The following TXNDC8 variants were observed in gnomAD, a reference collection of about 807,000 sequenced individuals.
TXNDC8 encodes the protein thioredoxin domain containing 8, also known as thioredoxin domain-containing protein 8.
Under a neutral mutation model 12.9 loss-of-function variants are expected in TXNDC8, and 15 were observed. The observed-to-expected ratio is 1.16, with a 90% CI of 0.78 to 1.79. TXNDC8 has a LOEUF of 1.79. Among genes scored for constraint, TXNDC8 ranks in the 40% most tolerant of loss-of-function variants. The pLI, the probability that TXNDC8 is intolerant of heterozygous loss-of-function variation, is 0.00. For synonymous variants in TXNDC8, 40 were observed against 35.4 expected, an observed-to-expected ratio of 1.13 and a Z score of -0.46; for missense variants, 128 against 113.2, an observed-to-expected ratio of 1.13 and a Z score of -0.59.
intron 3 of TXNDC8, among the ~76,000 whole-genome samples, chr9:110,321,447 T>A (rs1364492737): frequency 6.6e-6 from 1 of 152,240 alleles, no homozygotes; most frequent in Non-Finnish European, 1.5e-5. Flanking sequence ...TAAAAGGGTA[T>A]AATGGACAAG....
intron 1 of TXNDC8, among the ~76,000 whole-genome samples, chr9:110,337,058 C>A (rs893558731): frequency 1.3e-5 from 2 of 152,230 alleles, no homozygotes; most frequent in Non-Finnish European, 2.9e-5. Context: ...CTCTTTCAAT[C>A]TGGTCAGTGT....
intron 2 of TXNDC8, among the ~76,000 whole-genome samples, chr9:110,333,220 A>G (rs1465310151): frequency 6.6e-6 from 1 of 152,176 alleles, no homozygotes; most frequent in Non-Finnish European, 1.5e-5. Flanking sequence ...ACGGGAGGTG[A>G]GCGGTGGGTG....
chr9:110,324,002 C>A lies in TXNDC8; in HGVS notation c.195+2173G>T, dbSNP rs76104654. 2.1e-3 allele frequency: 3,194 copies of A among 1,549,802 alleles called. 55 individuals are homozygous for A. The African/African-American group carries it at 0.037, about 18-fold the overall frequency. On this transcript the variant is annotated intron_variant, in intron 3 of 4. Coordinates refer to ENST00000423740, the MANE Select transcript of TXNDC8 (RefSeq NM_001286946.2). ...TTGGTGTAGGCCTGGAGATGGAGCC[C>A]TAAGGAAGTACATGGGATAAGAATG...
chr9:110,313,309 G>A (rs1208912106), intron 3 of TXNDC8, among the ~76,000 whole-genome samples: 1 of 152,120 alleles, frequency 6.6e-6, no homozygotes, highest in Non-Finnish European at 1.5e-5. Context: ...TTAAAGCCCT[G>A]CAAACTGAAG....
At position 110,326,950 on chromosome 9, in the gene TXNDC8, A is replaced by ACACAC. The variant is rs1839346409; in HGVS notation, c.130-715_130-711dup. ...TGCCCTGCTACTCATGCACACACACACACACACACACACACACACACACAC... is the reference window on the plus strand; with the variant it reads ...TGCCCTGCTACTCATGCACACACACACACACCACACACACACACACACACACACAC... On this transcript the variant is annotated intron_variant, in intron 2 of 4. Coordinates refer to ENST00000423740, the MANE Select transcript of TXNDC8 (RefSeq NM_001286946.2). Among the ~76,000 whole-genome samples the ACACAC allele has an allele frequency of 6.6e-5, 10 of 151,558 alleles. No individual in the cohort carries two copies. In the South Asian group the frequency reaches 2.1e-3, roughly 32 times the overall value.
intron 2 of TXNDC8, among the ~76,000 whole-genome samples, chr9:110,330,476 C>A (rs942572830): frequency 6.6e-6 from 1 of 152,208 alleles, no homozygotes; most frequent in Non-Finnish European, 1.5e-5. Flanking sequence ...TTTTGAGGCT[C>A]ATTTTTTGCC....
chr9:110,329,359 CTT>C (rs1839466350), intron 2 of TXNDC8, 68 bp from the exon 3 acceptor site: 5 of 1,272,502 alleles, frequency 3.9e-6, no homozygotes, highest in Non-Finnish European at 4.4e-6. Context: ...CTGGAAGTGT[CTT>C]TTCAGTAGAA....
chr9:110,304,978 T>A (rs1404819872), intron 3 of TXNDC8, among the ~76,000 whole-genome samples: 4 of 151,708 alleles, frequency 2.6e-5, no homozygotes, highest in African/African-American at 7.3e-5. Context: ...CAAAACCCCA[T>A]CTCTACCAAA....
At chr9:110,337,060 GGTCAGT>G (rs1175947987) in intron 1 of TXNDC8, among the ~76,000 whole-genome samples, 2 of 152,182 alleles carry the variant, frequency 1.3e-5, no homozygotes, top group African/African-American at 2.4e-5. Context: ...CTTTCAATCT[GGTCAGT>G]GTCATTTTTG....
chr9:110,303,613 T>C lies in TXNDC8; in HGVS notation c.*69A>G, dbSNP rs1285680463. ...TCACAAATGCACAAAGGTGAAACAT[T>C]TATTGATTCAAGTGCTGCGAAAATG... is the stretch of plus-strand genomic sequence containing the variant. On this transcript the variant is annotated 3_prime_UTR_variant, in exon 5 of 5. Transcript: ENST00000423740. 1 of 1,570,080 alleles carries C rather than the reference T, an allele frequency of 6.4e-7. No individual in the cohort carries two copies. The highest frequency in any genetic ancestry group is 8.7e-7 in the Non-Finnish European group (1 of 1,154,096).
At position 110,323,287 on chromosome 9, in the gene TXNDC8, C is replaced by T. The variant is rs188018589; in HGVS notation, c.195+2888G>A. On this transcript the variant is annotated intron_variant, in intron 3 of 4. Transcript: ENST00000423740. ...GAACCAAAAAGATAGATATCCAAAACGGATATATTTGACTATAACAGGAGA... is the reference window on the plus strand; with the variant it reads ...GAACCAAAAAGATAGATATCCAAAATGGATATATTTGACTATAACAGGAGA... The T allele has an allele frequency of 1.3e-4, 133 of 985,214 alleles. 2 individuals are homozygous for T. The East Asian group carries it at 2.8e-3, about 21-fold the overall frequency. 61.0% of individuals were successfully genotyped at this position (985,214 alleles called of 1,614,324 possible).
intron 3 of TXNDC8, chr9:110,322,593 A>T (rs1308159211): frequency 1.0e-6 from 1 of 985,324 alleles, no homozygotes; most frequent in Non-Finnish European, 1.2e-6. Flanking sequence ...AAGAGCATAG[A>T]CACAAAATCA....
downstream of TXNDC8, among the ~76,000 whole-genome samples, chr9:110,302,469 C>A (rs777918009): frequency 2.6e-5 from 4 of 152,166 alleles, no homozygotes; most frequent in Non-Finnish European, 4.4e-5. Flanking sequence ...CATATGGAGC[C>A]TATGCTTTGT....
chr9:110,336,580 A>G (rs1200111015), intron 1 of TXNDC8, among the ~76,000 whole-genome samples: 2 of 152,202 alleles, frequency 1.3e-5, no homozygotes, highest in Non-Finnish European at 2.9e-5. Context: ...ATGCGTATTG[A>G]GGCCTATACT....
chr9:110,307,821 G>A (rs1419717344), intron 3 of TXNDC8, among the ~76,000 whole-genome samples: 3 of 152,184 alleles, frequency 2.0e-5, no homozygotes, highest in Admixed American at 6.5e-5. Flanking sequence ...GACCAAACCA[G>A]TGTTCATCAT....
intron 1 of TXNDC8, among the ~76,000 whole-genome samples, chr9:110,335,203 A>C (rs1387079361): frequency 6.6e-6 from 1 of 152,210 alleles, no homozygotes; most frequent in Non-Finnish European, 1.5e-5. Context: ...TCATAGAGTA[A>C]GTGCTCATAG....
In TXNDC8 at chr9:110,327,476, T is replaced by C. The variant is rs191105938; in HGVS notation, c.130-1236A>G. On this transcript the variant is annotated intron_variant, in intron 2 of 4. Transcript: ENST00000423740. ...TAGCTGGGATTACAGGTGTGCATCA[T>C]CACGCCTGGCCAATTTTTGTATTTT... Among the ~76,000 whole-genome samples the C allele has an allele frequency of 1.3e-4, 20 of 152,178 alleles. No homozygotes were observed. In the East Asian group the frequency reaches 2.7e-3, roughly 21 times the overall value.
At chr9:110,325,306 T>C (rs1472896942) in intron 3 of TXNDC8, among the ~76,000 whole-genome samples, 2 of 151,944 alleles carry the variant, frequency 1.3e-5, no homozygotes, top group Non-Finnish European at 2.9e-5. Flanking sequence ...GAGGGGAAAA[T>C]TTATTATGAT....
rs570110542 is a variant in TXNDC8 at position 110,309,284 on chromosome 9, C to T, written c.196-4752G>A. ...AGGGAGTATCTGGGGGATTGACCCCCCCACAATATGCAGCAGCCCTACAGG... is the reference window on the plus strand; with the variant it reads ...AGGGAGTATCTGGGGGATTGACCCCTCCACAATATGCAGCAGCCCTACAGG... On this transcript the variant is annotated intron_variant, in intron 3 of 4. Transcript: ENST00000423740. 4.7e-4 allele frequency among the ~76,000 whole-genome samples: 71 copies of T among 152,200 alleles called. No homozygotes were observed. The South Asian group carries it at 8.1e-3, about 17-fold the overall frequency.
Sources: gnomAD v4.1 joint callset for allele counts (sites outside exome capture counted in the v4.1 genomes callset) on GRCh38, gnomAD v4.1.1 for gene constraint, MANE v1.5 for transcripts, NCBI Gene and HGNC (gene_info 2026-07-23, HGNC 2026-07-21) for gene names.